Variants in AGBL4 observed in about 807,000 individuals in gnomAD.
AGBL4 encodes cytosolic carboxypeptidase 6.
AGBL4 carries 58 observed loss-of-function variants against 66.4 expected under a neutral mutation model. The ratio of observed to expected loss-of-function variants is 0.87; its 90% CI spans 0.71 to 1.09. AGBL4 has a LOEUF of 1.09. Among genes scored for constraint, AGBL4 ranks in the 50% least tolerant of loss-of-function variants. AGBL4 has a pLI of 0.00. For missense variants in AGBL4, 579 were observed against 631.0 expected (o/e 0.92, Z 0.88); for synonymous variants, 234 against 222.9 (o/e 1.05, Z -0.44).
At chr1:49,517,994 C>T (rs1405429414) in intron 3 of AGBL4, among the ~76,000 whole-genome samples, 5 of 152,050 alleles carry the variant, frequency 3.3e-5, no homozygotes, top group South Asian at 2.1e-4. Flanking sequence ...TTTGTTCATT[C>T]ATTCATTCAC....
chr1:49,381,053 C>T (rs1433574785), intron 3 of AGBL4, among the ~76,000 whole-genome samples: 2 of 152,146 alleles, frequency 1.3e-5, no homozygotes, highest in South Asian at 2.1e-4. Context: ...TCAGAGTGAA[C>T]AGGCAACCTA....
At chr1:48,785,690 A>G (rs1645392163) in intron 6 of AGBL4, among the ~76,000 whole-genome samples, 1 of 152,242 alleles carries the variant, frequency 6.6e-6, no homozygotes, top group South Asian at 2.1e-4. Context: ...ACATAATAGT[A>G]GCAGGAACCT....
chr1:48,943,131 CAT>C (rs1444830555), intron 5 of AGBL4, among the ~76,000 whole-genome samples: 1 of 152,152 alleles, frequency 6.6e-6, no homozygotes, highest in African/African-American at 2.4e-5. Context: ...TAAACAAACT[CAT>C]AAAGATTGTC....
intron 2 of AGBL4, among the ~76,000 whole-genome samples, chr1:49,848,093 T>C (rs1571707363): frequency 1.3e-5 from 2 of 152,120 alleles, no homozygotes; most frequent in Admixed American, 1.3e-4. Flanking sequence ...AGAATGACTA[T>C]TATTAAAAAG....
At chr1:49,847,183 G>A (rs1461493452) in intron 2 of AGBL4, among the ~76,000 whole-genome samples, 1 of 152,134 alleles carries the variant, frequency 6.6e-6, no homozygotes, top group African/African-American at 2.4e-5. Context: ...TCAATAAGTG[G>A]TACTGGTAAT....
chr1:49,969,923 C>T (rs1657907661), intron 1 of AGBL4, among the ~76,000 whole-genome samples: 1 of 152,116 alleles, frequency 6.6e-6, no homozygotes, highest in South Asian at 2.1e-4. Flanking sequence ...TAGAACAGAA[C>T]AGAGAACCCA....
At chr1:49,556,704 GC>G (rs1382901634) in intron 3 of AGBL4, among the ~76,000 whole-genome samples, 1 of 152,074 alleles carries the variant, frequency 6.6e-6, no homozygotes, top group African/African-American at 2.4e-5. Flanking sequence ...AGTGCTAGGT[GC>G]CGGCACTCTT....
intron 1 of AGBL4, among the ~76,000 whole-genome samples, chr1:49,930,098 CAG>C (rs1653183205): frequency 6.6e-6 from 1 of 151,770 alleles, no homozygotes; most frequent in African/African-American, 2.4e-5. Context: ...AGGGAAAAAA[CAG>C]AAATTATCCA....
intron 2 of AGBL4, among the ~76,000 whole-genome samples, chr1:49,784,482 C>G (rs1326754608): frequency 1.3e-5 from 2 of 152,004 alleles, no homozygotes; most frequent in African/African-American, 4.8e-5. Context: ...AGTTAGACCC[C>G]TTTCTCAAAC....
At chr1:49,012,831 A>G (rs1346972470) in intron 5 of AGBL4, among the ~76,000 whole-genome samples, 2 of 152,236 alleles carry the variant, frequency 1.3e-5, no homozygotes, top group East Asian at 1.9e-4. Context: ...TTAATCCCCA[A>G]TGTAACAGCA....
chr1:49,050,854 G>C (rs1010198239), intron 4 of AGBL4, among the ~76,000 whole-genome samples: 2 of 152,052 alleles, frequency 1.3e-5, no homozygotes, highest in African/African-American at 4.8e-5. Flanking sequence ...TTAAAGAGGA[G>C]CTCAACGTAT....
chr1:49,246,528 C>T (rs1005154060), intron 3 of AGBL4, among the ~76,000 whole-genome samples: 11 of 151,796 alleles, frequency 7.2e-5, no homozygotes, highest in Non-Finnish European at 2.9e-5. Context: ...TCTCAGCATA[C>T]GTTTATAGCG....
intron 7 of AGBL4, among the ~76,000 whole-genome samples, chr1:48,660,815 C>T (rs903732945): frequency 4.8e-5 from 7 of 146,668 alleles, no homozygotes; most frequent in African/African-American, 9.9e-5. Context: ...GTAAAATGCA[C>T]ATCAATTGTT....
chr1:49,907,979 T>TA (rs1339578724), intron 1 of AGBL4, among the ~76,000 whole-genome samples: 10 of 151,114 alleles, frequency 6.6e-5, no homozygotes, highest in East Asian at 3.9e-4. Context: ...AGTCTTTAAT[T>TA]AAAAAAAAAG....
intron 6 of AGBL4, among the ~76,000 whole-genome samples, chr1:48,773,530 G>A (rs1240990803): frequency 3.3e-5 from 5 of 152,168 alleles, no homozygotes; most frequent in African/African-American, 7.2e-5. Flanking sequence ...GGATGGTAAT[G>A]GAGAAAGAGC....
At chr1:49,208,819 A>T (rs1648447692) in intron 4 of AGBL4, among the ~76,000 whole-genome samples, 1 of 152,112 alleles carries the variant, frequency 6.6e-6, no homozygotes, top group Non-Finnish European at 1.5e-5. Flanking sequence ...CAAGGAGAGA[A>T]AATTATTCGT....
intron 3 of AGBL4, among the ~76,000 whole-genome samples, chr1:49,511,176 T>C (rs570324564): frequency 2.0e-5 from 3 of 151,842 alleles, no homozygotes; most frequent in Non-Finnish European, 4.4e-5. Flanking sequence ...TGCAGCATTA[T>C]TCACAATAGC....
At chr1:49,597,602 T>C (rs559562264) in intron 3 of AGBL4, among the ~76,000 whole-genome samples, 11 of 152,272 alleles carry the variant, frequency 7.2e-5, no homozygotes, top group African/African-American at 2.6e-4. Context: ...ATGCAAAATG[T>C]AAAATGAGGC....
At chr1:49,511,659 C>T (rs1649273826) in intron 3 of AGBL4, among the ~76,000 whole-genome samples, 1 of 151,190 alleles carries the variant, frequency 6.6e-6, no homozygotes. Context: ...GCATTTTCTC[C>T]CCAATGCGTT....
Sources: gnomAD v4.1 joint callset for allele counts (sites outside exome capture counted in the v4.1 genomes callset) on GRCh38, gnomAD v4.1.1 for gene constraint, MANE v1.5 for transcripts, NCBI Gene and HGNC (gene_info 2026-07-23, HGNC 2026-07-21) for gene names.